RARB: variants seen among roughly 807,000 people sequenced by gnomAD.
RARB encodes retinoic acid receptor beta, also known as HBV-activated protein.
RARB carries 17 observed loss-of-function variants against 51.9 expected under a neutral mutation model. The ratio of observed to expected loss-of-function variants is 0.33; its 90% CI spans 0.22 to 0.49. RARB has a LOEUF of 0.49. Among genes scored for constraint, RARB ranks in the 20% least tolerant of loss-of-function variants. RARB has a pLI of 0.99. For missense variants in RARB, 369 were observed against 550.8 expected, an observed-to-expected ratio of 0.67 and a Z score of 3.30; for synonymous variants, 215 against 195.4, an observed-to-expected ratio of 1.10 and a Z score of -0.84.
intron 2 of RARB, among the ~76,000 whole-genome samples, chr3:24,972,333 G>T (rs887393232): frequency 2.6e-5 from 4 of 151,640 alleles, no homozygotes; most frequent in Non-Finnish European, 5.9e-5. Flanking sequence ...TCTTTTTGTG[G>T]CTGAATAATA....
intron 3 of RARB, among the ~76,000 whole-genome samples, chr3:25,538,976 G>A (rs1212824695): frequency 6.6e-6 from 1 of 152,198 alleles, no homozygotes; most frequent in Admixed American, 6.5e-5. Context: ...GTTGAAGCAA[G>A]CTTAATTACA....
chr3:25,444,440 G>C (rs1575409653), intron 1 of RARB, among the ~76,000 whole-genome samples: 2 of 152,300 alleles, frequency 1.3e-5, no homozygotes, highest in Admixed American at 1.3e-4. Flanking sequence ...TCTTCTAATT[G>C]CTGTGCCCCT....
At chr3:25,320,908 A>G (rs1211547228) in intron 5 of RARB, among the ~76,000 whole-genome samples, 1 of 152,202 alleles carries the variant, frequency 6.6e-6, no homozygotes, top group Admixed American at 6.5e-5. Flanking sequence ...ACTTTGATTT[A>G]TGGAACAGAG....
chr3:25,212,549 C>T (rs183211097), intron 5 of RARB, among the ~76,000 whole-genome samples: 6 of 152,256 alleles, frequency 3.9e-5, no homozygotes, highest in South Asian at 4.1e-4. Context: ...ACCCAGGAGG[C>T]GGAGGTTGCA....
intron 5 of RARB, among the ~76,000 whole-genome samples, chr3:25,234,563 T>G (rs1342629413): frequency 1.3e-5 from 2 of 152,130 alleles, no homozygotes; most frequent in Non-Finnish European, 2.9e-5. Context: ...GTCTATTCCA[T>G]GCTTGGGGGT....
chr3:25,086,268 G>C (rs1417629867), intron 3 of RARB, among the ~76,000 whole-genome samples: 1 of 152,136 alleles, frequency 6.6e-6, no homozygotes, highest in Non-Finnish European at 1.5e-5. Flanking sequence ...CCATCCATAG[G>C]AAAGAACAAT....
intron 1 of RARB, among the ~76,000 whole-genome samples, chr3:24,831,179 CT>C (rs1451551675): frequency 6.6e-6 from 1 of 152,182 alleles, no homozygotes. Flanking sequence ...GATTAAATGG[CT>C]TGTGTAACTG....
In RARB at chr3:25,117,202, A is replaced by G. The variant is rs1273116623; in HGVS notation, c.-327-14959A>G. ...AGCATGGCAGAGAACAAACTGTTCA[A>G]TAAGTAACTAAAATCAAATATGATA... On this transcript the variant is annotated intron_variant, in intron 3 of 11. Transcript: ENST00000383772. 5.9e-5 allele frequency among the ~76,000 whole-genome samples: 9 copies of G among 152,222 alleles called. 1 individual carries two copies. The South Asian group carries it at 1.7e-3, about 28-fold the overall frequency.
chr3:25,079,276 T>A (rs1203957201), intron 3 of RARB, among the ~76,000 whole-genome samples: 3 of 152,222 alleles, frequency 2.0e-5, no homozygotes, highest in Admixed American at 6.5e-5. Context: ...ATAAATATCT[T>A]AGCCCTTGTA....
intron 5 of RARB, among the ~76,000 whole-genome samples, chr3:25,582,098 T>C (rs1418831684): frequency 2.0e-5 from 3 of 152,036 alleles, no homozygotes; most frequent in Non-Finnish European, 4.4e-5. Context: ...CCCTTAGGGA[T>C]AGCAGAGATG....
chr3:25,407,273 G>T (rs1209840769), intron 5 of RARB, among the ~76,000 whole-genome samples: 1 of 152,172 alleles, frequency 6.6e-6, no homozygotes, highest in Non-Finnish European at 1.5e-5. Flanking sequence ...AGGCAGCATG[G>T]TAGTCAATAA....
At chr3:25,576,758 A>G (rs1700953339) in intron 4 of RARB, among the ~76,000 whole-genome samples, 1 of 150,250 alleles carries the variant, frequency 6.7e-6, no homozygotes, top group Admixed American at 6.7e-5. Flanking sequence ...TGCCTTTAAG[A>G]TCACGCCCTC....
intron 2 of RARB, among the ~76,000 whole-genome samples, chr3:24,943,147 T>C (rs1695703831): frequency 6.6e-6 from 1 of 152,184 alleles, no homozygotes; most frequent in Non-Finnish European, 1.5e-5. Context: ...TAAGGGATAA[T>C]TTTGTTGGGG....
intron 5 of RARB, among the ~76,000 whole-genome samples, chr3:25,208,024 G>GC (rs1225763851): frequency 6.6e-6 from 1 of 151,680 alleles, no homozygotes. Context: ...GAGGGCAAGG[G>GC]GGGGAGCAAA....
At chr3:25,211,252 C>T (rs1467607908) in intron 5 of RARB, among the ~76,000 whole-genome samples, 2 of 152,026 alleles carry the variant, frequency 1.3e-5, no homozygotes, top group African/African-American at 4.8e-5. Flanking sequence ...TAGACAGAAT[C>T]CTAAAAGTGA....
At chr3:25,335,553 T>C (rs2125447656) in intron 5 of RARB, among the ~76,000 whole-genome samples, 1 of 152,284 alleles carries the variant, frequency 6.6e-6, no homozygotes, top group South Asian at 2.1e-4. Flanking sequence ...GCTTCCCCAG[T>C]TCCATTGTGC....
In RARB at chr3:24,859,796, A is replaced by G. The variant is rs181804997; in HGVS notation, c.-380+1044A>G. ...GCCATATGGTCTGTCACATGACTCA[A>G]TTCTGCCATTGTAGCAATAAAGCAG... On this transcript the variant is annotated intron_variant, in intron 2 of 11. Transcript: ENST00000383772. 1.1e-4 allele frequency among the ~76,000 whole-genome samples: 16 copies of G among 152,348 alleles called. No individual in the cohort carries two copies. In the East Asian group the frequency reaches 3.1e-3, roughly 29 times the overall value.
chr3:25,114,595 T>C (rs539659740), intron 3 of RARB, among the ~76,000 whole-genome samples: 10 of 152,330 alleles, frequency 6.6e-5, no homozygotes, highest in East Asian at 1.9e-4. Flanking sequence ...GCATACAGTT[T>C]ACAGTTGCAA....
At chr3:25,033,304 T>G (rs1402694574) in intron 2 of RARB, among the ~76,000 whole-genome samples, 1 of 152,204 alleles carries the variant, frequency 6.6e-6, no homozygotes, top group East Asian at 1.9e-4. Context: ...CATCTATTGT[T>G]AAAGATAGCT....
Sources: gnomAD v4.1 joint callset for allele counts (sites outside exome capture counted in the v4.1 genomes callset) on GRCh38, gnomAD v4.1.1 for gene constraint, MANE v1.5 for transcripts, NCBI Gene and HGNC (gene_info 2026-07-23, HGNC 2026-07-21) for gene names.